The following CASD1 variants were observed in gnomAD, a reference collection of about 807,000 sequenced individuals.
The protein encoded by CASD1 is N-acetylneuraminate (7)9-O-acetyltransferase.
In CASD1, 41 loss-of-function variants were observed where a neutral mutation model predicts 100.0. That is an observed-to-expected ratio of 0.41 (90% CI 0.32 to 0.53). The LOEUF is 0.53. Among genes scored for constraint, CASD1 ranks in the 20% least tolerant of loss-of-function variants. CASD1 has a pLI of 0.25. For synonymous variants in CASD1, 321 were observed against 315.6 expected (o/e 1.02, Z -0.18); for missense variants, 774 against 948.7 (o/e 0.82, Z 2.42).
At chr7:94,519,115 A>G (rs1300800898) in intron 3 of CASD1, among the ~76,000 whole-genome samples, 1 of 152,152 alleles carries the variant, frequency 6.6e-6, no homozygotes, top group Non-Finnish European at 1.5e-5. Flanking sequence ...CAGTGCAATA[A>G]GTTTCTGTTA....
At chr7:94,575,116 T>A in the CASD1 span, among the ~76,000 whole-genome samples, 1 of 152,218 alleles carries the variant, frequency 6.6e-6, no homozygotes, top group Admixed American at 6.5e-5. Context: ...TCTTGTGTCT[T>A]GAATTCTTTC....
intron 7 of CASD1, 61 bp downstream of exon 7, chr7:94,533,863 T>C: frequency 4.3e-6 from 6 of 1,386,402 alleles, no homozygotes; most frequent in Middle Eastern, 1.9e-4. Context: ...GGGTTTTTAT[T>C]ATCTCCTGTT....
chr7:94,566,293 G>A, the CASD1 span, among the ~76,000 whole-genome samples: 1 of 152,136 alleles, frequency 6.6e-6, no homozygotes, highest in East Asian at 1.9e-4. Context: ...AATTTTATAA[G>A]CAAGGAAAGG....
the CASD1 span, chr7:94,599,789 G>A: frequency 9.0e-7 from 1 of 1,107,118 alleles, no homozygotes; most frequent in African/African-American, 1.5e-5. Flanking sequence ...AAGACTATAT[G>A]CTCATGGGAT....
the CASD1 span, among the ~76,000 whole-genome samples, chr7:94,576,833 G>A: frequency 5.9e-5 from 9 of 152,168 alleles, no homozygotes; most frequent in Non-Finnish European, 1.0e-4. Flanking sequence ...TCCTTTTGCT[G>A]TAATAAACTG....
chr7:94,632,228 T>G, the CASD1 span, among the ~76,000 whole-genome samples: 1 of 152,040 alleles, frequency 6.6e-6, no homozygotes, highest in Non-Finnish European at 1.5e-5. Flanking sequence ...TAAATAATAC[T>G]GAAATGATTC....
intron 10 of CASD1, 111 bp downstream of exon 10, chr7:94,539,167 T>A: frequency 2.2e-6 from 1 of 455,206 alleles, no homozygotes; most frequent in Non-Finnish European, 3.9e-6. Context: ...TTATAGACCC[T>A]TCTTATTTCC....
intron 13 of CASD1, among the ~76,000 whole-genome samples, chr7:94,548,425 T>C (rs1795783059): frequency 6.6e-6 from 1 of 151,774 alleles, no homozygotes; most frequent in Non-Finnish European, 1.5e-5. Flanking sequence ...TGAATATCTA[T>C]ATTCATGCTG....
At chr7:94,568,814 T>C in the CASD1 span, among the ~76,000 whole-genome samples, 2 of 152,140 alleles carry the variant, frequency 1.3e-5, no homozygotes, top group Non-Finnish European at 2.9e-5. Flanking sequence ...TTCCACCATG[T>C]GTGGACACAG....
rs745993152 is a variant in CASD1, at chr7:94,537,592, T to G, written c.964T>G (p.Leu322Val). ...GAAGCTAGCTGCTTGTTTTTTCACT[T>G]TATCTATTATCGGATATTTAATTTT... ...IQKLAACFFTLSIIGYLIFYI... is the reference protein window; with the variant it reads ...IQKLAACFFTVSIIGYLIFYI... The change falls in exon 9 of 18, where the codon TTA becomes GTA. Residue 322 changes from leucine to valine, a missense_variant. Leu to Val is a conservative substitution (Grantham distance 32). Around this residue, in one of 5 missense-constraint regions of CASD1, gnomAD observed 453 missense variants for 532.6 expected, o/e 0.85. Transcript: ENST00000297273. The G allele has an allele frequency of 2.2e-5, 36 of 1,613,816 alleles. No homozygotes were observed. Among genetic ancestry groups the G allele is most frequent in the Non-Finnish European group, 2.9e-5 (34 of 1,179,888 alleles).
At chr7:94,633,985 A>G in the CASD1 span, among the ~76,000 whole-genome samples, 178 of 152,274 alleles carry the variant, frequency 1.2e-3, no homozygotes, top group African/African-American at 4.1e-3. Context: ...TAAAATAACA[A>G]CTGAGTATAA....
Position 94,510,148 on chromosome 7 carries a change from G to T in CASD1, c.64G>T (p.Ala22Ser). ...CAACCACTACTTCAGCGTGAGGAGCGCCAAGGTGCTGGCGCTGGTGGCCGT... is the reference window on the plus strand; with the variant it reads ...CAACCACTACTTCAGCGTGAGGAGCTCCAAGGTGCTGGCGCTGGTGGCCGT... ...EINHYFSVRS[A>S]KVLALVAVLL... The change falls in exon 1 of 18, where the codon GCC (alanine) becomes TCC (serine). Residue 22 changes from alanine to serine, a missense_variant. Coordinates refer to ENST00000297273, the MANE Select transcript of CASD1 (RefSeq NM_022900.5). 2 of 1,529,434 alleles carry T rather than the reference G, an allele frequency of 1.3e-6. No individual in the cohort carries two copies. Among genetic ancestry groups the T allele is most frequent in the Non-Finnish European group, 8.8e-7 (1 of 1,137,084 alleles). 94.7% of individuals were successfully genotyped at this position (1,529,434 alleles called of 1,614,324 possible).
At chr7:94,598,737 A>G in the CASD1 span, 1 of 1,310,710 alleles carries the variant, frequency 7.6e-7, no homozygotes, top group South Asian at 1.2e-5. Context: ...AAAAATATAC[A>G]TGCATATTAA....
intron 16 of CASD1, chr7:94,553,109 T>G (rs1219019426): frequency 2.2e-6 from 1 of 463,754 alleles, no homozygotes; most frequent in African/African-American, 2.0e-5. Context: ...GTTTTATGTT[T>G]AAAGCCTTTG....
chr7:94,539,446 A>G (rs775847555), intron 10 of CASD1, among the ~76,000 whole-genome samples: 4 of 152,146 alleles, frequency 2.6e-5, no homozygotes, highest in Non-Finnish European at 5.9e-5. Context: ...AGGTGGGTGG[A>G]TCACCTGAGG....
chr7:94,513,287 CAAA>C (rs766687618), intron 1 of CASD1, among the ~76,000 whole-genome samples: 2 of 63,870 alleles, frequency 3.1e-5, no homozygotes, highest in East Asian at 5.2e-4. Flanking sequence ...GATCGCATCC[CAAA>C]AAAAAAAAAA....
chr7:94,530,554 G>A (rs1301403612), intron 5 of CASD1, among the ~76,000 whole-genome samples: 1 of 152,060 alleles, frequency 6.6e-6, no homozygotes, highest in Non-Finnish European at 1.5e-5. Context: ...TGAGGGTAGT[G>A]GAGAACCATT....
the CASD1 span, chr7:94,599,571 C>T: frequency 3.8e-6 from 3 of 799,186 alleles, no homozygotes; most frequent in Admixed American, 2.1e-5. Context: ...GCAGCTTTCA[C>T]ATTTATGAAA....
At chr7:94,618,986 C>G in the CASD1 span, 1 of 1,441,680 alleles carries the variant, frequency 6.9e-7, no homozygotes, top group Admixed American at 1.7e-5. Flanking sequence ...GCATGCATAT[C>G]TTTAATGAAG....
Sources: allele counts gnomAD v4.1 joint callset (sites outside exome capture counted in the v4.1 genomes callset), GRCh38; gene constraint gnomAD v4.1.1; regional missense constraint gnomAD v4.1.1; transcripts MANE v1.5; gene names NCBI Gene and HGNC (gene_info 2026-07-23, HGNC 2026-07-21).